The following KCNB2 variants were observed in gnomAD, a reference collection of about 807,000 sequenced individuals.
KCNB2 encodes potassium voltage-gated channel subfamily B member 2.
In KCNB2, 15 loss-of-function variants were observed where a neutral mutation model predicts 61.5. That is an observed-to-expected ratio of 0.24 (90% CI 0.16 to 0.38). The LOEUF (loss-of-function observed/expected upper bound fraction) is 0.38. KCNB2 is among the 10% of genes least tolerant of loss of function. The pLI is 1.00. For synonymous variants in KCNB2, 457 were observed against 446.0 expected (o/e 1.02, Z -0.31); for missense variants, 828 against 1,125.2 (o/e 0.74, Z 3.78).
At chr8:72,683,337 T>C (rs572091465) in intron 2 of KCNB2, among the ~76,000 whole-genome samples, 3 of 152,222 alleles carry the variant, frequency 2.0e-5, no homozygotes, top group Non-Finnish European at 4.4e-5. Flanking sequence ...TAAATGTTTA[T>C]TGATTTCTAG....
intron 2 of KCNB2, among the ~76,000 whole-genome samples, chr8:72,800,953 G>T (rs1334777271): frequency 2.0e-5 from 3 of 152,126 alleles, no homozygotes; most frequent in African/African-American, 7.2e-5. Flanking sequence ...TCCAACCTAG[G>T]TTGATGCCAG....
At chr8:72,599,976 C>A (rs960286143) in intron 2 of KCNB2, among the ~76,000 whole-genome samples, 1 of 152,146 alleles carries the variant, frequency 6.6e-6, no homozygotes, top group South Asian at 2.1e-4. Context: ...GAAATAGGAA[C>A]ACTTTTACAC....
At chr8:72,777,857 T>G (rs139712065) in intron 2 of KCNB2, among the ~76,000 whole-genome samples, 15 of 152,326 alleles carry the variant, frequency 9.8e-5, no homozygotes, top group African/African-American at 3.6e-4. Context: ...ATTTATACAT[T>G]TCTTGCTTTG....
chr8:72,796,937 G>T (rs369862639), intron 2 of KCNB2, among the ~76,000 whole-genome samples: 11 of 152,276 alleles, frequency 7.2e-5, no homozygotes, highest in African/African-American at 1.9e-4. Flanking sequence ...AGCAGAGAAA[G>T]CTTGCTAGAT....
rs537548688 is a variant in KCNB2 at position 72,759,220 on chromosome 8, G to A, written c.580-176715G>A. On this transcript the variant is annotated intron_variant, in intron 2 of 2. Coordinates refer to ENST00000523207, the MANE Select transcript of KCNB2 (RefSeq NM_004770.3). Reference sequence around the variant, plus strand: ...TTTCTGTTTTAATAGAAAAAAATTCGTTCTTGGCTCATTTATTCTACTTTA... The same window carrying A: ...TTTCTGTTTTAATAGAAAAAAATTCATTCTTGGCTCATTTATTCTACTTTA... Among the ~76,000 whole-genome samples the A allele has an allele frequency of 1.2e-3, 182 of 152,214 alleles. 1 individual carries two copies. Among genetic ancestry groups the A allele is most frequent in the Non-Finnish European group, 2.1e-3 (146 of 68,002 alleles).
intron 2 of KCNB2, among the ~76,000 whole-genome samples, chr8:72,635,296 C>T (rs1482051746): frequency 1.3e-5 from 2 of 152,172 alleles, no homozygotes; most frequent in African/African-American, 4.8e-5. Context: ...TCATGTCTTT[C>T]ACCTTCCAAG....
At chr8:72,869,261 G>A (rs982560899) in intron 2 of KCNB2, among the ~76,000 whole-genome samples, 1 of 152,150 alleles carries the variant, frequency 6.6e-6, no homozygotes, top group East Asian at 1.9e-4. Context: ...TTTGAAGGGA[G>A]AAGCAAACAC....
chr8:72,856,918 G>GC (rs1170548954), intron 2 of KCNB2, among the ~76,000 whole-genome samples: 1 of 152,062 alleles, frequency 6.6e-6, no homozygotes, highest in Non-Finnish European at 1.5e-5. Context: ...AAAGTATCCT[G>GC]CCCCCCTTCC....
intron 2 of KCNB2, among the ~76,000 whole-genome samples, chr8:72,871,644 A>G (rs1417357394): frequency 6.6e-6 from 1 of 152,202 alleles, no homozygotes; most frequent in Non-Finnish European, 1.5e-5. Context: ...AACCAATCTT[A>G]CAATAATATC....
chr8:72,546,078 C>A (rs1189556198), intron 1 of KCNB2, among the ~76,000 whole-genome samples: 4 of 152,284 alleles, frequency 2.6e-5, no homozygotes, highest in Middle Eastern at 3.4e-3. Context: ...CACATTCCTT[C>A]TTTAGACCCT....
At chr8:72,756,467 G>A (rs1428992714) in intron 2 of KCNB2, among the ~76,000 whole-genome samples, 1 of 152,172 alleles carries the variant, frequency 6.6e-6, no homozygotes, top group Non-Finnish European at 1.5e-5. Flanking sequence ...TCTTGACCTT[G>A]GCTACATACT....
chr8:72,619,011 TC>T (rs1805664659), intron 2 of KCNB2: 2 of 328,460 alleles, frequency 6.1e-6, no homozygotes, highest in Non-Finnish European at 1.2e-5. Flanking sequence ...TTTTAGAACA[TC>T]CCTGTTCTGA....
At chr8:72,723,960 T>G (rs965740868) in intron 2 of KCNB2, among the ~76,000 whole-genome samples, 13 of 152,198 alleles carry the variant, frequency 8.5e-5, no homozygotes, top group Admixed American at 7.2e-4. Flanking sequence ...CGATTTTTTT[T>G]GGGCAGATTA....
chr8:72,888,061 CT>C (rs1377515560), intron 2 of KCNB2, among the ~76,000 whole-genome samples: 1 of 152,190 alleles, frequency 6.6e-6, no homozygotes, highest in Non-Finnish European at 1.5e-5. Flanking sequence ...ACATAATCAT[CT>C]CTTGATAAAT....
At chr8:72,835,156 C>G (rs571394830) in intron 2 of KCNB2, among the ~76,000 whole-genome samples, 19 of 152,318 alleles carry the variant, frequency 1.2e-4, no homozygotes, top group African/African-American at 4.1e-4. Context: ...ACCACTTTGT[C>G]AGAGTATTTC....
intron 2 of KCNB2, among the ~76,000 whole-genome samples, chr8:72,745,798 A>G (rs1468993749): frequency 2.0e-5 from 3 of 151,970 alleles, no homozygotes; most frequent in Non-Finnish European, 2.9e-5. Context: ...CCACCCTTTA[A>G]TCACATAGTT....
chr8:72,693,695 CA>C (rs999826840), intron 2 of KCNB2, among the ~76,000 whole-genome samples: 1 of 152,108 alleles, frequency 6.6e-6, no homozygotes, highest in African/African-American at 2.4e-5. Flanking sequence ...CCTGCTCTCC[CA>C]ATAGTCACAG....
At chr8:72,896,117 C>G (rs1805983759) in intron 2 of KCNB2, among the ~76,000 whole-genome samples, 1 of 151,914 alleles carries the variant, frequency 6.6e-6, no homozygotes, top group Non-Finnish European at 1.5e-5. Flanking sequence ...GCTGAATGTT[C>G]CAGACTAAAA....
intron 2 of KCNB2, among the ~76,000 whole-genome samples, chr8:72,813,423 T>A (rs1809339172): frequency 6.6e-6 from 1 of 151,742 alleles, no homozygotes; most frequent in African/African-American, 2.4e-5. Flanking sequence ...CCAAAAAAAA[T>A]AACTTACAGA....
Sources: gnomAD v4.1 joint callset for allele counts (sites outside exome capture counted in the v4.1 genomes callset) on GRCh38, gnomAD v4.1.1 for gene constraint, MANE v1.5 for transcripts, NCBI Gene and HGNC (gene_info 2026-07-23, HGNC 2026-07-21) for gene names.